The following DCAF5 variants were observed in gnomAD, a reference collection of about 807,000 sequenced individuals.
DCAF5 encodes DDB1- and CUL4-associated factor 5.
A neutral mutation model predicts 80.7 loss-of-function variants in DCAF5; 9 were observed. The ratio of observed to expected loss-of-function variants is 0.11; its 90% CI spans 0.07 to 0.19. The LOEUF is 0.19. Ranked by LOEUF, DCAF5 falls within the 10% of genes least tolerant of loss-of-function variation. The pLI is 1.00. For missense variants in DCAF5, 842 were observed against 1,205.7 expected, an observed-to-expected ratio of 0.70 and a Z score of 4.47; for synonymous variants, 433 against 461.9, an observed-to-expected ratio of 0.94 and a Z score of 0.80.
At chr14:69,111,398 A>T (rs571882882) in intron 5 of DCAF5, among the ~76,000 whole-genome samples, 1 of 152,318 alleles carries the variant, frequency 6.6e-6, no homozygotes, top group Non-Finnish European at 1.5e-5. Flanking sequence ...TTATAAGATA[A>T]GTCTTTATAG....
chr14:69,124,280 T>C (rs1042591466), intron 1 of DCAF5, among the ~76,000 whole-genome samples: 1 of 152,226 alleles, frequency 6.6e-6, no homozygotes. Flanking sequence ...ATAATGTTGC[T>C]ATGAACACAA....
At chr14:69,122,498 C>G in intron 1 of DCAF5, 138 bp from the exon 2 acceptor site, 1 of 786,548 alleles carries the variant, frequency 1.3e-6, no homozygotes, top group Non-Finnish European at 2.0e-6. Context: ...GCACAAAAAC[C>G]CAGGACTCTC....
chr14:69,134,802 C>T (rs141798652), intron 1 of DCAF5, among the ~76,000 whole-genome samples: 9 of 152,304 alleles, frequency 5.9e-5, no homozygotes, highest in Admixed American at 2.0e-4. Context: ...GCAGAAGCCA[C>T]GATGCAGTCT....
rs190514938 is a variant in DCAF5, at chr14:69,132,329, A to G, written c.215-9969T>C. On this transcript the variant is annotated intron_variant, in intron 1 of 8. Transcript: ENST00000341516. ...TTTATTCTTTGCTTGTTTGGATAATAGTCATCCTAATGGGTGTGAAATGTT... is the reference window on the plus strand; with the variant it reads ...TTTATTCTTTGCTTGTTTGGATAATGGTCATCCTAATGGGTGTGAAATGTT... 1.8e-3 allele frequency among the ~76,000 whole-genome samples: 272 copies of G among 152,302 alleles called. 5 individuals are homozygous for G. Among genetic ancestry groups the G allele is most frequent in the Middle Eastern group, 3.4e-3 (1 of 294 alleles).
chr14:69,061,101 T>C (rs2038199564), intron 8 of DCAF5, among the ~76,000 whole-genome samples: 1 of 151,744 alleles, frequency 6.6e-6, no homozygotes, highest in Non-Finnish European at 1.5e-5. Flanking sequence ...ACCTCCTAGG[T>C]TCAAGCAATC....
chr14:69,091,792 C>T lies in DCAF5; in HGVS notation c.761G>A (p.Arg254His). Residue 254 changes from arginine to histidine, a missense_variant, in exon 6 of 9, where the codon CGC becomes CAC. Physicochemically the swap from Arg to His is conservative, Grantham distance 29 (BLOSUM62 0). This residue lies in a region of DCAF5 where 142 missense variants were observed against 311.9 expected (regional missense o/e 0.46). Coordinates refer to ENST00000341516, the MANE Select transcript of DCAF5 (RefSeq NM_003861.3). ...NGTQLLALRRRLPPVLYDIHS... is the reference protein window; with the variant it reads ...NGTQLLALRRHLPPVLYDIHS... ...GATGTCATAGAGCACAGGGGGCAGGCGTCGCCTCAGGGCCAGGAGCTGGGT... is the reference window on the plus strand; with the variant it reads ...GATGTCATAGAGCACAGGGGGCAGGTGTCGCCTCAGGGCCAGGAGCTGGGT... 3 of 1,614,108 alleles carry T rather than the reference C, an allele frequency of 1.9e-6. No individual in the cohort carries two copies. Among genetic ancestry groups the T allele is most frequent in the Non-Finnish European group, 1.7e-6 (2 of 1,180,014 alleles).
Position 69,055,151 on chromosome 14 carries a change from C to T in DCAF5, c.1535G>A (p.Arg512His), listed in dbSNP as rs779120091. 9.9e-6 allele frequency: 16 copies of T among 1,614,102 alleles called. No homozygotes were observed. The highest frequency in any genetic ancestry group is 4.5e-5 in the East Asian group (2 of 44,904). ...TTGGTAGCGCCGCAGAGCAGACAGACGCTGCTGGCGAGAGGCTGCATCCTC... is the reference window on the plus strand; with the variant it reads ...TTGGTAGCGCCGCAGAGCAGACAGATGCTGCTGGCGAGAGGCTGCATCCTC... ...TCEDAASRQQ[R>H]LSALRRYQDK... The change falls in exon 9 of 9, where the codon CGT becomes CAT. Residue 512 changes from arginine (R) to histidine (H), a missense_variant. Around this residue, in one of 5 missense-constraint regions of DCAF5, gnomAD observed 607 missense variants for 656.6 expected, o/e 0.92. Coordinates refer to ENST00000341516, the MANE Select transcript of DCAF5 (RefSeq NM_003861.3). The surrounding 1 kb of genome is among the most constrained non-coding windows in gnomAD (Gnocchi z 5.6).
At chr14:69,060,390 T>C (rs1289468813) in intron 8 of DCAF5, among the ~76,000 whole-genome samples, 2 of 152,156 alleles carry the variant, frequency 1.3e-5, no homozygotes, top group Non-Finnish European at 2.9e-5. Context: ...AACGAAAAAG[T>C]AAAAATGATT....
intron 2 of DCAF5, among the ~76,000 whole-genome samples, chr14:69,121,379 C>T (rs896412457): frequency 2.0e-5 from 3 of 152,114 alleles, no homozygotes; most frequent in African/African-American, 7.2e-5. Flanking sequence ...TGGTGACAGA[C>T]TAGATGTGTA....
At chr14:69,149,222 TGACTA>T (rs1336722425) in intron 1 of DCAF5, among the ~76,000 whole-genome samples, 1 of 152,242 alleles carries the variant, frequency 6.6e-6, no homozygotes, top group Non-Finnish European at 1.5e-5. Flanking sequence ...CTTAGTAACT[TGACTA>T]AAGTCACAGA....
intron 1 of DCAF5, among the ~76,000 whole-genome samples, chr14:69,132,903 TC>T (rs1168071767): frequency 6.6e-6 from 1 of 152,224 alleles, no homozygotes; most frequent in Non-Finnish European, 1.5e-5. Flanking sequence ...ATTATAGTCC[TC>T]CCATCTGTAA....
rs188642434 is a variant in DCAF5 at position 69,058,655 on chromosome 14, G to A, written c.1075-3044C>T. 9.2e-4 allele frequency among the ~76,000 whole-genome samples: 139 copies of A among 151,854 alleles called. 1 individual carries two copies. In the East Asian group the frequency reaches 0.025, roughly 27 times the overall value. On this transcript the variant is annotated intron_variant, in intron 8 of 8. Transcript: ENST00000341516. ...TTTGGGACGTCAAGGCAGGAGGATCGCTTGAGCCCAGGAATTTGAGACCAA... is the reference window on the plus strand; with the variant it reads ...TTTGGGACGTCAAGGCAGGAGGATCACTTGAGCCCAGGAATTTGAGACCAA...
At chr14:69,146,161 T>C (rs2041531874) in intron 1 of DCAF5, among the ~76,000 whole-genome samples, 1 of 152,234 alleles carries the variant, frequency 6.6e-6, no homozygotes, top group South Asian at 2.1e-4. Context: ...GGACTCTTGC[T>C]CTCTTTAGGA....
chr14:69,139,901 GAGAA>G (rs1309055808), intron 1 of DCAF5, among the ~76,000 whole-genome samples: 1 of 150,334 alleles, frequency 6.7e-6, no homozygotes, highest in Non-Finnish European at 1.5e-5. Flanking sequence ...GGAAAGAAAG[GAGAA>G]AGAAAGAGAA....
At chr14:69,061,046 C>G (rs757312283) in intron 8 of DCAF5, among the ~76,000 whole-genome samples, 6 of 151,670 alleles carry the variant, frequency 4.0e-5, no homozygotes, top group Non-Finnish European at 7.4e-5. Flanking sequence ...CACTCTGTTG[C>G]CTAGGCTGGA....
intron 1 of DCAF5, among the ~76,000 whole-genome samples, chr14:69,136,684 G>C (rs144764491): frequency 6.6e-6 from 1 of 152,160 alleles, no homozygotes; most frequent in East Asian, 1.9e-4. Context: ...AATCACCCTT[G>C]ACAATATGTG....
intron 8 of DCAF5, among the ~76,000 whole-genome samples, chr14:69,058,325 C>A (rs1294602555): frequency 6.6e-6 from 1 of 151,320 alleles, no homozygotes; most frequent in Non-Finnish European, 1.5e-5. Context: ...TCGAGACCAG[C>A]CTGGCCAACG....
chr14:69,081,592 A>G (rs1324136046), intron 6 of DCAF5, among the ~76,000 whole-genome samples: 1 of 152,116 alleles, frequency 6.6e-6, no homozygotes, highest in East Asian at 1.9e-4. Flanking sequence ...AACTTGCTCG[A>G]GCATAGGAAG....
At position 69,152,691 on chromosome 14, in the gene DCAF5, G is replaced by A; in HGVS notation, c.214+74C>T. The A allele has an allele frequency of 8.6e-7, 1 of 1,157,818 alleles. No individual in the cohort carries two copies. The allele number at this position is 1,157,818 out of a possible 1,614,324, so 71.7% of individuals were successfully genotyped here. On this transcript the variant is annotated intron_variant, in intron 1 of 8. Transcript: ENST00000341516. The surrounding 1 kb of genome is among the most constrained non-coding windows in gnomAD (Gnocchi z 4.1). ...GGTGGGGACAGAGGGCAGGAGGAGGGTGACGGGGGAGAGCGAGAGGGGGAG... is the reference window on the plus strand; with the variant it reads ...GGTGGGGACAGAGGGCAGGAGGAGGATGACGGGGGAGAGCGAGAGGGGGAG...
Sources: gnomAD v4.1 joint callset for allele counts (sites outside exome capture counted in the v4.1 genomes callset) on GRCh38, gnomAD v4.1.1 for gene constraint, gnomAD v4.1.1 regional missense constraint, Gnocchi (gnomAD v3.1) non-coding constraint, MANE v1.5 for transcripts, NCBI Gene and HGNC (gene_info 2026-07-23, HGNC 2026-07-21) for gene names.